DYNC2I1: variants seen among roughly 807,000 people sequenced by gnomAD.
DYNC2I1 encodes dynein 2 intermediate chain 1, also known as cytoplasmic dynein 2 intermediate chain 1.
DYNC2I1 carries 89 observed loss-of-function variants against 133.4 expected under a neutral mutation model. The ratio of observed to expected loss-of-function variants is 0.67; its 90% CI spans 0.56 to 0.80. DYNC2I1 has a LOEUF of 0.80. DYNC2I1 is among the 30% of genes least tolerant of loss of function. The probability of loss-of-function intolerance (pLI) is 0.00; values close to 1 mark genes in which losing one functional copy is unlikely to be tolerated. For missense variants in DYNC2I1, 1,291 were observed against 1,314.5 expected (o/e 0.98, Z 0.28); for synonymous variants, 504 against 484.3 (o/e 1.04, Z -0.54).
Position 158,917,332 on chromosome 7 carries a change from C to T in DYNC2I1, c.1792-1408C>T, listed in dbSNP as rs185925430. 2.8e-4 allele frequency among the ~76,000 whole-genome samples: 42 copies of T among 151,020 alleles called. No homozygotes were observed. The East Asian group carries it at 7.5e-3, about 27-fold the overall frequency. On this transcript the variant is annotated intron_variant, in intron 14 of 24. Coordinates refer to ENST00000407559, the MANE Select transcript of DYNC2I1 (RefSeq NM_018051.5). ...TGAGACGTCACTAAACACCCCCTGC[C>T]CTCCACACTCCACCCTCCACCTCTC...
chr7:158,932,013 C>G (rs1490140456), intron 21 of DYNC2I1, among the ~76,000 whole-genome samples: 1 of 152,150 alleles, frequency 6.6e-6, no homozygotes, highest in Admixed American at 6.5e-5. Context: ...AGCTGTGAGG[C>G]AGGTCCCACG....
At chr7:158,891,891 AGC>A (rs1422355713) in intron 8 of DYNC2I1, among the ~76,000 whole-genome samples, 1 of 110,536 alleles carries the variant, frequency 9.0e-6, no homozygotes, top group Non-Finnish European at 2.2e-5. Flanking sequence ...TGAAGGACGT[AGC>A]GCGGAGCTTG....
chr7:158,854,795 C>A (rs1355367004), upstream of DYNC2I1, among the ~76,000 whole-genome samples: 2 of 152,328 alleles, frequency 1.3e-5, no homozygotes, highest in Admixed American at 6.5e-5. Context: ...TCATAATTTT[C>A]TCAGTTCTAA....
rs1851812061 is a variant in DYNC2I1 at position 158,945,650 on chromosome 7, C to T, written c.3072C>T (p.Ala1024=). The change falls in exon 25 of 25, where the codon GCC becomes GCT. Residue 1024 remains alanine (A), a synonymous_variant. Transcript: ENST00000407559. The surrounding 1 kb of genome is among the most constrained non-coding windows in gnomAD (Gnocchi z 4.1). ...AGGSFLALVL[A]RASGSIDIQH... ...GCAGCTTCCTGGCCCTGGTGCTGGC[C>T]AGGGCGTCTGGCTCCATCGACATCC... 8.1e-6 allele frequency: 13 copies of T among 1,612,278 alleles called. No homozygotes were observed. Among genetic ancestry groups the T allele is most frequent in the Non-Finnish European group, 1.1e-5 (13 of 1,179,316 alleles).
At chr7:158,943,053 A>G (rs1191454401) in intron 24 of DYNC2I1, among the ~76,000 whole-genome samples, 1 of 152,132 alleles carries the variant, frequency 6.6e-6, no homozygotes, top group African/African-American at 2.4e-5. Flanking sequence ...GTGAGGGTTC[A>G]TGTTGACCTG....
At chr7:158,899,756 CAA>C (rs1846067981) in intron 8 of DYNC2I1, among the ~76,000 whole-genome samples, 1 of 152,180 alleles carries the variant, frequency 6.6e-6, no homozygotes, top group African/African-American at 2.4e-5. Context: ...CCACCACGTT[CAA>C]GAAGTGCCTT....
intron 15 of DYNC2I1, among the ~76,000 whole-genome samples, chr7:158,920,945 G>A (rs187656721): frequency 3.3e-5 from 5 of 152,212 alleles, no homozygotes; most frequent in Admixed American, 1.3e-4. Flanking sequence ...TAAAACACGC[G>A]GCAGAATGAC....
downstream of DYNC2I1, among the ~76,000 whole-genome samples, chr7:158,950,450 G>A (rs1371141335): frequency 6.9e-6 from 1 of 145,232 alleles, no homozygotes; most frequent in Non-Finnish European, 1.5e-5. Flanking sequence ...ACTGCACGGG[G>A]ACCAGCCTCT....
At chr7:158,845,940 T>G in the DYNC2I1 span, among the ~76,000 whole-genome samples, 47 of 152,222 alleles carry the variant, frequency 3.1e-4, 2 homozygotes, top group African/African-American at 7.2e-5. Context: ...TTTTGTCTAC[T>G]TCAAAGGTTA....
chr7:158,879,597 C>A, intron 4 of DYNC2I1, 87 bp from the exon 5 acceptor site: 2 of 1,395,200 alleles, frequency 1.4e-6, no homozygotes, highest in Non-Finnish European at 1.9e-6. Flanking sequence ...TGGTTGGATC[C>A]GTCGTTGCAG....
intron 20 of DYNC2I1, among the ~76,000 whole-genome samples, chr7:158,927,427 C>T (rs560824039): frequency 6.7e-6 from 1 of 150,368 alleles, no homozygotes; most frequent in Admixed American, 6.6e-5. Context: ...AAAAAAGATA[C>T]CAATAACTGC....
rs182162932 is a variant in DYNC2I1 at position 158,924,438 on chromosome 7, T to C, written c.2257+705T>C. 6.6e-4 allele frequency among the ~76,000 whole-genome samples: 100 copies of C among 152,322 alleles called. 1 individual carries two copies. Among genetic ancestry groups the C allele is most frequent in the Non-Finnish European group, 1.3e-3 (87 of 68,020 alleles). On this transcript the variant is annotated intron_variant, in intron 17 of 24. Coordinates refer to ENST00000407559, the MANE Select transcript of DYNC2I1 (RefSeq NM_018051.5). ...CTCACCCCTCTGTGTGGCTTTATTA[T>C]CATAGATATGTTGCGTGTCTGTCTG...
the DYNC2I1 span, among the ~76,000 whole-genome samples, chr7:158,841,297 C>T: frequency 1.8e-4 from 27 of 150,194 alleles, no homozygotes; most frequent in African/African-American, 6.1e-4. Context: ...ACCTCCACCT[C>T]CCGGGTTCAA....
At chr7:158,923,274 T>C (rs1849271832) in intron 16 of DYNC2I1, among the ~76,000 whole-genome samples, 1 of 152,214 alleles carries the variant, frequency 6.6e-6, no homozygotes, top group South Asian at 2.1e-4. Context: ...GTTCAGCCGA[T>C]TGAGCTGAGT....
At chr7:158,927,827 C>T (rs147130468) in intron 20 of DYNC2I1, among the ~76,000 whole-genome samples, 2,198 of 152,280 alleles carry the variant, frequency 0.014, 44 homozygotes, top group African/African-American at 0.042. Context: ...GCTGGGATTA[C>T]AGGCATGAGC....
intron 24 of DYNC2I1, among the ~76,000 whole-genome samples, chr7:158,942,883 A>G (rs1287671550): frequency 1.3e-5 from 2 of 152,250 alleles, no homozygotes; most frequent in East Asian, 1.9e-4. Context: ...ACTCCCATCA[A>G]CACCACTGTT....
intron 8 of DYNC2I1, among the ~76,000 whole-genome samples, chr7:158,892,409 A>T (rs1343625568): frequency 1.3e-5 from 2 of 152,006 alleles, no homozygotes; most frequent in East Asian, 3.8e-4. Context: ...TGCCAAGAGG[A>T]CCTTATTTAT....
At chr7:158,948,689 C>T (rs2129490158), downstream of DYNC2I1, among the ~76,000 whole-genome samples, 2 of 152,274 alleles carry the variant, frequency 1.3e-5, no homozygotes, top group South Asian at 4.1e-4. Flanking sequence ...CTGGAGGCTA[C>T]AGTCTGGTCC....
At chr7:158,857,275 C>T (rs916224970) in intron 1 of DYNC2I1, among the ~76,000 whole-genome samples, 18 of 152,020 alleles carry the variant, frequency 1.2e-4, no homozygotes, top group African/African-American at 4.3e-4. Context: ...ATAATAATAG[C>T]AACATTATAG....
Sources: allele counts gnomAD v4.1 joint callset (sites outside exome capture counted in the v4.1 genomes callset), GRCh38; gene constraint gnomAD v4.1.1; non-coding constraint Gnocchi (gnomAD v3.1); transcripts MANE v1.5; gene names NCBI Gene and HGNC (gene_info 2026-07-23, HGNC 2026-07-21).